Variants in CRISPLD2 observed in about 807,000 individuals in gnomAD.
CRISPLD2 encodes the protein cysteine rich secretory protein LCCL domain containing 2.
A neutral mutation model predicts 71.1 loss-of-function variants in CRISPLD2; 47 were observed. The ratio of observed to expected loss-of-function variants is 0.66; its 90% CI spans 0.52 to 0.84. The LOEUF is 0.84. CRISPLD2 is among the 40% of genes least tolerant of loss of function. The probability of loss-of-function intolerance (pLI) is 0.00; values close to 1 mark genes in which losing one functional copy is unlikely to be tolerated. For missense variants in CRISPLD2, 830 were observed against 651.1 expected, an observed-to-expected ratio of 1.27 and a Z score of -2.99; for synonymous variants, 317 against 250.1, an observed-to-expected ratio of 1.27 and a Z score of -2.52.
chr16:84,873,497 C>CAAA (rs2071490415), intron 10 of CRISPLD2: 1 of 90,560 alleles, frequency 1.1e-5, no homozygotes, highest in Non-Finnish European at 2.0e-5. Flanking sequence ...AAAAAGAAAA[C>CAAA]AACAACAACA....
chr16:84,855,716 G>C (rs1406945559), intron 6 of CRISPLD2, among the ~76,000 whole-genome samples: 1 of 152,128 alleles, frequency 6.6e-6, no homozygotes, highest in Admixed American at 6.5e-5. Flanking sequence ...TTGTCAACTT[G>C]AACCCATACA....
intron 8 of CRISPLD2, 71 bp from the exon 9 acceptor site, chr16:84,872,371 A>G (rs1009139293): frequency 7.8e-7 from 1 of 1,277,866 alleles, no homozygotes; most frequent in Non-Finnish European, 1.1e-6. Context: ...CGATGAAAAA[A>G]ATGATAAACT....
At chr16:84,823,366 G>T (rs75627216) in intron 1 of CRISPLD2, among the ~76,000 whole-genome samples, 1 of 152,226 alleles carries the variant, frequency 6.6e-6, no homozygotes, top group Non-Finnish European at 1.5e-5. Flanking sequence ...TATCTCTTGA[G>T]TGTTTACCTG....
chr16:84,875,723 A>ATTT (rs35350672), intron 11 of CRISPLD2, among the ~76,000 whole-genome samples: 102 of 128,870 alleles, frequency 7.9e-4, no homozygotes, highest in Admixed American at 1.9e-3. Flanking sequence ...TGTCCAGCTA[A>ATTT]TTTTTTTTTT....
At chr16:84,874,763 A>T (rs1597472399) in intron 11 of CRISPLD2, among the ~76,000 whole-genome samples, 2 of 152,182 alleles carry the variant, frequency 1.3e-5, no homozygotes, top group African/African-American at 4.8e-5. Flanking sequence ...GGAGTGGAAC[A>T]TTTTTTTGTA....
intron 5 of CRISPLD2, among the ~76,000 whole-genome samples, chr16:84,851,291 A>G (rs1161869060): frequency 6.6e-6 from 1 of 152,226 alleles, no homozygotes; most frequent in African/African-American, 2.4e-5. Context: ...TCCTCCGCCT[A>G]TAGCATGCTC....
At chr16:84,821,137 C>T (rs12447060) in intron 1 of CRISPLD2, among the ~76,000 whole-genome samples, 27,422 of 152,190 alleles carry the variant, frequency 0.18, 3,218 homozygotes, top group Non-Finnish European at 0.27. Context: ...CCCCTTTGGG[C>T]CTTTGGACCT....
intron 6 of CRISPLD2, among the ~76,000 whole-genome samples, chr16:84,865,425 G>C (rs1321138708): frequency 6.6e-6 from 1 of 152,124 alleles, no homozygotes; most frequent in East Asian, 1.9e-4. Context: ...CAAAGTGCTG[G>C]GATTACAGGT....
intron 2 of CRISPLD2, among the ~76,000 whole-genome samples, chr16:84,841,571 C>A (rs573750559): frequency 6.7e-6 from 1 of 149,760 alleles, no homozygotes; most frequent in African/African-American, 2.4e-5. Flanking sequence ...GGTTTTTTTG[C>A]GGGAGAGGAT....
intron 7 of CRISPLD2, among the ~76,000 whole-genome samples, chr16:84,867,771 C>T (rs1171121608): frequency 6.6e-6 from 1 of 152,114 alleles, no homozygotes; most frequent in Non-Finnish European, 1.5e-5. Flanking sequence ...GATGTTTCCC[C>T]CTGGGACTTC....
chr16:84,905,043 G>A (rs537161071), intron 14 of CRISPLD2, among the ~76,000 whole-genome samples: 1 of 152,272 alleles, frequency 6.6e-6, no homozygotes, highest in East Asian at 1.9e-4. Context: ...CACTTTGGGA[G>A]GCTGAGGCAG....
chr16:84,905,292 G>A (rs954118063), intron 14 of CRISPLD2, among the ~76,000 whole-genome samples: 23 of 152,146 alleles, frequency 1.5e-4, no homozygotes, highest in Admixed American at 2.6e-4. Context: ...TCTAACACTG[G>A]ATTGTGGAGA....
intron 8 of CRISPLD2, among the ~76,000 whole-genome samples, chr16:84,870,261 G>GTAT: frequency 7.5e-6 from 1 of 132,634 alleles, no homozygotes; most frequent in Non-Finnish European, 1.6e-5. Flanking sequence ...GCAATTTGAT[G>GTAT]TATTTCCTTC....
intron 4 of CRISPLD2, among the ~76,000 whole-genome samples, 162 bp downstream of exon 4, chr16:84,849,679 T>G (rs1408809360): frequency 6.6e-6 from 1 of 152,064 alleles, no homozygotes; most frequent in Non-Finnish European, 1.5e-5. Flanking sequence ...AAGAAGCTGT[T>G]TGTTACCAGC....
Position 84,908,940 on chromosome 16 carries a change from T to G in CRISPLD2, c.*2298T>G, listed in dbSNP as rs1379027284. Reference sequence around the variant, plus strand: ...CTTACCTCAGGTGATCCACCCACCTTGGCCTCCCGAAGTGCTGGGATTACA... The same window carrying G: ...CTTACCTCAGGTGATCCACCCACCTGGGCCTCCCGAAGTGCTGGGATTACA... On this transcript the variant is annotated 3_prime_UTR_variant, in exon 15 of 15. Transcript: ENST00000262424. 1 of 151,782 alleles carries G rather than the reference T, an allele frequency of 6.6e-6. No individual in the cohort carries two copies. Among genetic ancestry groups the G allele is most frequent in the Non-Finnish European group, 1.5e-5 (1 of 67,938 alleles). The allele number at this position is 151,782 out of a possible 1,614,324, so 9.4% of individuals were successfully genotyped here. A position where few individuals can be genotyped will look rare whatever the true frequency, so the allele number is the denominator to read the frequency against.
chr16:84,862,474 G>T (rs538678856), intron 6 of CRISPLD2, among the ~76,000 whole-genome samples: 1 of 152,196 alleles, frequency 6.6e-6, no homozygotes, highest in East Asian at 1.9e-4. Context: ...GATTACAGGC[G>T]TGCACCATCA....
intron 14 of CRISPLD2, among the ~76,000 whole-genome samples, chr16:84,898,901 G>A (rs1218401730): frequency 6.6e-6 from 1 of 152,134 alleles, no homozygotes; most frequent in East Asian, 1.9e-4. Context: ...AGCCTCAACT[G>A]CAGTGAGCTG....
intron 11 of CRISPLD2, among the ~76,000 whole-genome samples, chr16:84,876,244 A>T (rs1340862588): frequency 6.6e-6 from 1 of 152,204 alleles, no homozygotes; most frequent in South Asian, 2.1e-4. Flanking sequence ...GCTCACGCCT[A>T]TAATCCCAGC....
At chr16:84,869,176 TC>T (rs558938460) in intron 8 of CRISPLD2, among the ~76,000 whole-genome samples, 57 of 152,026 alleles carry the variant, frequency 3.7e-4, no homozygotes, top group Non-Finnish European at 7.1e-4. Context: ...ACCGGTATAT[TC>T]CCCCCATGGT....
Sources: allele counts gnomAD v4.1 joint callset (sites outside exome capture counted in the v4.1 genomes callset), GRCh38; gene constraint gnomAD v4.1.1; transcripts MANE v1.5; gene names NCBI Gene and HGNC (gene_info 2026-07-23, HGNC 2026-07-21).